Variants in PPFIA2 observed in about 807,000 individuals in gnomAD.
PPFIA2 encodes liprin-alpha-2.
Under a neutral mutation model 175.5 loss-of-function variants are expected in PPFIA2, and 46 were observed. The observed-to-expected ratio is 0.26, with a 90% CI of 0.21 to 0.34. PPFIA2 has a LOEUF of 0.34. Among genes scored for constraint, PPFIA2 ranks in the 10% least tolerant of loss-of-function variants. The pLI, the probability that PPFIA2 is intolerant of heterozygous loss-of-function variation, is 1.00. For missense variants in PPFIA2, 1,179 were observed against 1,506.1 expected, an observed-to-expected ratio of 0.78 and a Z score of 3.60; for synonymous variants, 568 against 511.4, an observed-to-expected ratio of 1.11 and a Z score of -1.49.
At chr12:81,555,817 A>G (rs1301879939) in intron 4 of PPFIA2, among the ~76,000 whole-genome samples, 1 of 151,974 alleles carries the variant, frequency 6.6e-6, no homozygotes, top group Non-Finnish European at 1.5e-5. Flanking sequence ...AAAAAGGTAC[A>G]GACTTGATAC....
chr12:81,317,029 A>T (rs2052529125), intron 22 of PPFIA2, among the ~76,000 whole-genome samples: 1 of 151,694 alleles, frequency 6.6e-6, no homozygotes, highest in Non-Finnish European at 1.5e-5. Flanking sequence ...AAAATATTAG[A>T]GATAACACAT....
At chr12:81,599,206 A>T (rs889402777) in intron 4 of PPFIA2, among the ~76,000 whole-genome samples, 39 of 151,990 alleles carry the variant, frequency 2.6e-4, no homozygotes, top group African/African-American at 8.9e-4. Flanking sequence ...ATAAGCCAAA[A>T]GTGGTGTCTT....
At chr12:81,265,952 G>A (rs746700550) in intron 30 of PPFIA2, among the ~76,000 whole-genome samples, 1 of 152,108 alleles carries the variant, frequency 6.6e-6, no homozygotes, top group Non-Finnish European at 1.5e-5. Flanking sequence ...TATAAGACGA[G>A]GCTTTTAAAA....
chr12:81,262,803 T>A (rs1157147782), intron 31 of PPFIA2, among the ~76,000 whole-genome samples: 2 of 152,110 alleles, frequency 1.3e-5, no homozygotes, highest in African/African-American at 4.8e-5. Flanking sequence ...ATTTGATGAG[T>A]GAATTTCTAA....
intron 4 of PPFIA2, among the ~76,000 whole-genome samples, chr12:81,471,668 G>T (rs2146317001): frequency 6.6e-6 from 1 of 151,864 alleles, no homozygotes; most frequent in South Asian, 2.1e-4. Context: ...CCCAGAAGTG[G>T]GATTGCTGGA....
At chr12:81,326,419 C>T (rs1038104340) in intron 21 of PPFIA2, among the ~76,000 whole-genome samples, 4 of 152,128 alleles carry the variant, frequency 2.6e-5, no homozygotes, top group African/African-American at 9.7e-5. Context: ...TGGCTGACTC[C>T]TATGTCCTTC....
At chr12:81,530,854 G>C (rs942555639) in intron 4 of PPFIA2, among the ~76,000 whole-genome samples, 5 of 151,788 alleles carry the variant, frequency 3.3e-5, no homozygotes, top group Non-Finnish European at 7.4e-5. Flanking sequence ...GTCCTTATTA[G>C]AGATAGAAGT....
chr12:81,731,364 T>G (rs1307004438), intron 3 of PPFIA2, among the ~76,000 whole-genome samples: 1 of 151,666 alleles, frequency 6.6e-6, no homozygotes, highest in Non-Finnish European at 1.5e-5. Flanking sequence ...GTTTAGCACT[T>G]TTTTTGTAAT....
chr12:81,294,550 T>G, intron 24 of PPFIA2: 4 of 281,688 alleles, frequency 1.4e-5, no homozygotes, highest in South Asian at 6.4e-5. Context: ...AGGAAGGAAT[T>G]GAAAAAAGAG....
intron 7 of PPFIA2, among the ~76,000 whole-genome samples, chr12:81,422,562 G>T (rs1440998385): frequency 6.6e-6 from 1 of 152,024 alleles, no homozygotes; most frequent in Admixed American, 6.6e-5. Flanking sequence ...GGAGTCAAGG[G>T]CTACTCTTTA....
At chr12:81,650,890 G>A (rs1181697111) in intron 4 of PPFIA2, among the ~76,000 whole-genome samples, 2 of 152,190 alleles carry the variant, frequency 1.3e-5, no homozygotes, top group African/African-American at 4.8e-5. Context: ...AATACAGTGG[G>A]AGAAAGGAGT....
At chr12:81,672,659 G>C (rs1428209847) in intron 4 of PPFIA2, among the ~76,000 whole-genome samples, 2 of 151,924 alleles carry the variant, frequency 1.3e-5, no homozygotes, top group Non-Finnish European at 1.5e-5. Context: ...GTTCTATAGG[G>C]AGCAAAATGT....
intron 4 of PPFIA2, among the ~76,000 whole-genome samples, chr12:81,619,457 G>C (rs781001976): frequency 1.3e-5 from 2 of 152,140 alleles, no homozygotes; most frequent in Non-Finnish European, 2.9e-5. Flanking sequence ...ATTCAAGAGT[G>C]AGTAGGACTA....
At chr12:81,283,136 T>C (rs2042455299) in intron 25 of PPFIA2, 97 bp from the exon 26 acceptor site, 4 of 1,132,584 alleles carry the variant, frequency 3.5e-6, no homozygotes, top group Non-Finnish European at 3.9e-6. Context: ...AAAATTGTTA[T>C]ACAAAATATT....
intron 4 of PPFIA2, among the ~76,000 whole-genome samples, chr12:81,501,463 C>A (rs2060588890): frequency 6.6e-6 from 1 of 152,024 alleles, no homozygotes; most frequent in African/African-American, 2.4e-5. Flanking sequence ...ACTGTCTATG[C>A]CTCCTGAATA....
intron 22 of PPFIA2, 36 bp from the exon 23 acceptor site, chr12:81,299,418 T>C: frequency 6.5e-7 from 1 of 1,538,398 alleles, no homozygotes; most frequent in Non-Finnish European, 8.8e-7. Flanking sequence ...GGCAGGTATA[T>C]GGAAAAATAT....
intron 4 of PPFIA2, among the ~76,000 whole-genome samples, chr12:81,592,440 C>T (rs1032092038): frequency 6.6e-6 from 1 of 152,114 alleles, no homozygotes; most frequent in Admixed American, 6.5e-5. Flanking sequence ...TGGTTTGATT[C>T]TGTCCCCATC....
intron 4 of PPFIA2, among the ~76,000 whole-genome samples, chr12:81,467,437 C>T (rs1053527289): frequency 6.6e-6 from 1 of 152,154 alleles, no homozygotes; most frequent in Non-Finnish European, 1.5e-5. Context: ...GCTTGTAATC[C>T]CAGCACTGTG....
chr12:81,726,580 G>A (rs1035657685), intron 3 of PPFIA2, among the ~76,000 whole-genome samples: 13 of 151,260 alleles, frequency 8.6e-5, no homozygotes, highest in Non-Finnish European at 1.6e-4. Context: ...TTAGACACCA[G>A]CTTTGCTTCT....
Sources: gnomAD v4.1 joint callset for allele counts (sites outside exome capture counted in the v4.1 genomes callset) on GRCh38, gnomAD v4.1.1 for gene constraint, MANE v1.5 for transcripts, NCBI Gene and HGNC (gene_info 2026-07-23, HGNC 2026-07-21) for gene names.